Variants in PARD3B observed in about 807,000 individuals in gnomAD.
PARD3B encodes partitioning defective 3 homolog B.
In PARD3B, 103 loss-of-function variants were observed where a neutral mutation model predicts 130.2. The ratio of observed to expected loss-of-function variants is 0.79; its 90% CI spans 0.67 to 0.93. The LOEUF (loss-of-function observed/expected upper bound fraction) is 0.93. PARD3B is among the 40% of genes least tolerant of loss of function. PARD3B has a pLI of 0.00. For missense variants in PARD3B, 1,609 were observed against 1,499.2 expected (o/e 1.07, Z -1.21); for synonymous variants, 583 against 553.2 (o/e 1.05, Z -0.76).
At chr2:204,561,246 G>A (rs887277598) in intron 1 of PARD3B, among the ~76,000 whole-genome samples, 2 of 152,202 alleles carry the variant, frequency 1.3e-5, no homozygotes, top group African/African-American at 4.8e-5. Context: ...GGATTAGAGG[G>A]CAGGTGTGGG....
rs1473279337 is a variant in PARD3B at position 204,623,037 on chromosome 2, T to A, written c.121-63144T>A. 2.0e-5 allele frequency among the ~76,000 whole-genome samples: 3 copies of A among 152,214 alleles called. No individual in the cohort carries two copies. ...TTGTCAGAGATGGCAGACTATAAAT[T>A]GGATCTTGAATTCTGAATTACTAGA... On this transcript the variant is annotated intron_variant, in intron 1 of 22. Transcript: ENST00000406610. The surrounding 1 kb of genome is among the most constrained non-coding windows in gnomAD (Gnocchi z 4.5).
chr2:205,312,030 TTAGA>T (rs766838874), intron 18 of PARD3B, among the ~76,000 whole-genome samples: 66 of 152,274 alleles, frequency 4.3e-4, no homozygotes, highest in Middle Eastern at 3.4e-3. Context: ...TTAAATTAGG[TTAGA>T]TAGAGACTGA....
chr2:205,343,735 C>T (rs557423023), intron 18 of PARD3B, among the ~76,000 whole-genome samples: 49 of 152,218 alleles, frequency 3.2e-4, no homozygotes, highest in Admixed American at 5.2e-4. Flanking sequence ...AGCCTCCTGA[C>T]GTATGTTTTC....
intron 2 of PARD3B, among the ~76,000 whole-genome samples, chr2:204,913,641 CA>C (rs951779382): frequency 6.6e-6 from 1 of 152,000 alleles, no homozygotes; most frequent in Non-Finnish European, 1.5e-5. Context: ...GTTGCTATGA[CA>C]AAAAGCAATA....
intron 4 of PARD3B, among the ~76,000 whole-genome samples, chr2:205,052,063 T>C (rs1699227101): frequency 6.6e-6 from 1 of 152,128 alleles, no homozygotes; most frequent in Non-Finnish European, 1.5e-5. Flanking sequence ...CTTTTCTTGA[T>C]TGTAACCTGG....
intron 20 of PARD3B, among the ~76,000 whole-genome samples, chr2:205,453,058 T>G (rs1158983789): frequency 6.6e-6 from 1 of 152,216 alleles, no homozygotes; most frequent in Non-Finnish European, 1.5e-5. Flanking sequence ...GCAGAATTTC[T>G]TCACTTCGAC....
chr2:204,791,093 A>C (rs1036726910), intron 2 of PARD3B, among the ~76,000 whole-genome samples: 1 of 146,562 alleles, frequency 6.8e-6, no homozygotes, highest in Non-Finnish European at 1.5e-5. Context: ...TAGCAGATCT[A>C]GACTCTGTCT....
At chr2:204,731,159 C>A (rs2039492062) in intron 2 of PARD3B, among the ~76,000 whole-genome samples, 3 of 152,100 alleles carry the variant, frequency 2.0e-5, no homozygotes. Context: ...TTTACTATTG[C>A]TTGTAGCATA....
intron 2 of PARD3B, among the ~76,000 whole-genome samples, chr2:204,874,678 C>A (rs1223340656): frequency 1.3e-5 from 2 of 152,142 alleles, no homozygotes; most frequent in African/African-American, 2.4e-5. Flanking sequence ...GTCACCACCA[C>A]TCCAACAGAG....
At chr2:205,435,713 A>G (rs56186980) in intron 19 of PARD3B, among the ~76,000 whole-genome samples, 6,109 of 152,184 alleles carry the variant, frequency 0.04, 428 homozygotes, top group African/African-American at 0.14. Flanking sequence ...GAAAATAAAG[A>G]TAGGGTACTC....
chr2:205,193,219 C>T lies in PARD3B; in HGVS notation c.2039C>T (p.Ser680Leu), dbSNP rs1191316599. 3.4e-5 allele frequency: 55 copies of T among 1,609,256 alleles called. No homozygotes were observed. Among genetic ancestry groups the T allele is most frequent in the Non-Finnish European group, 4.4e-5 (52 of 1,175,742 alleles). The change falls in exon 15 of 23, where the codon TCA becomes TTA. Residue 680 changes from serine to leucine, a missense_variant. By Grantham distance (145) the Ser-to-Leu change is moderately radical. Coordinates refer to ENST00000406610, the MANE Select transcript of PARD3B (RefSeq NM_001302769.2). ...TCCTTCCACAGCTCTGGGGTGGATTCAGCAGTATATTTTCCAGATCAGCAC... is the reference window on the plus strand; with the variant it reads ...TCCTTCCACAGCTCTGGGGTGGATTTAGCAGTATATTTTCCAGATCAGCAC... ...EDYSHSSGVD[S>L]AVYFPDQHIN...
rs2046441278 is a variant in PARD3B, at chr2:205,407,179, A to C, written c.2741+6056A>C. ...GTGTATAAGCCCAAGTTTCTTGCTC[A>C]AGATTGTGTGGTAGGATTTTCTTAA... On this transcript the variant is annotated intron_variant, in intron 19 of 22. Coordinates refer to ENST00000406610, the MANE Select transcript of PARD3B (RefSeq NM_001302769.2). This position sits in a 1 kb window ranked among gnomAD's most constrained non-coding sequence, Gnocchi z 4.1. Among the ~76,000 whole-genome samples the C allele has an allele frequency of 6.6e-6, 1 of 152,204 alleles. No individual in the cohort carries two copies. The highest frequency in any genetic ancestry group is 2.4e-5 in the African/African-American group (1 of 41,450).
chr2:204,616,972 T>C (rs1180329623), intron 1 of PARD3B, among the ~76,000 whole-genome samples: 1 of 152,194 alleles, frequency 6.6e-6, no homozygotes, highest in Non-Finnish European at 1.5e-5. Flanking sequence ...GTCCAAACTA[T>C]TTTTATTTGG....
chr2:205,090,111 C>T (rs1201552210), intron 4 of PARD3B, among the ~76,000 whole-genome samples: 1 of 152,178 alleles, frequency 6.6e-6, no homozygotes, highest in Non-Finnish European at 1.5e-5. Flanking sequence ...TGCTTAAAAA[C>T]TCTTATCTGT....
At chr2:205,296,567 T>C (rs1435384606) in intron 16 of PARD3B, among the ~76,000 whole-genome samples, 1 of 152,136 alleles carries the variant, frequency 6.6e-6, no homozygotes, top group Non-Finnish European at 1.5e-5. Flanking sequence ...GTGGTAGCTC[T>C]CTCATGGGCC....
Position 205,584,254 on chromosome 2 carries a change from A to G in PARD3B, c.3260+30851A>G, listed in dbSNP as rs984186755. On this transcript the variant is annotated intron_variant, in intron 22 of 22. Coordinates refer to ENST00000406610, the MANE Select transcript of PARD3B (RefSeq NM_001302769.2). This position sits in a 1 kb window ranked among gnomAD's most constrained non-coding sequence, Gnocchi z 5.5. ...CAAGACTTAATGCCAAAAGCAAAAGAATATTAAATATAAATTATTTTTATA... is the reference window on the plus strand; with the variant it reads ...CAAGACTTAATGCCAAAAGCAAAAGGATATTAAATATAAATTATTTTTATA... 1.3e-5 allele frequency among the ~76,000 whole-genome samples: 2 copies of G among 152,240 alleles called. No individual in the cohort carries two copies. Among genetic ancestry groups the G allele is most frequent in the African/African-American group, 4.8e-5 (2 of 41,466 alleles).
intron 2 of PARD3B, among the ~76,000 whole-genome samples, chr2:204,908,114 G>C (rs1448819694): frequency 6.6e-6 from 1 of 151,962 alleles, no homozygotes; most frequent in Non-Finnish European, 1.5e-5. Flanking sequence ...TAAGCCCCTT[G>C]GTGCTATCCT....
intron 18 of PARD3B, among the ~76,000 whole-genome samples, chr2:205,357,550 A>G (rs1246600848): frequency 1.3e-5 from 2 of 152,240 alleles, no homozygotes; most frequent in Non-Finnish European, 2.9e-5. Context: ...TGCCAGAGAA[A>G]AAGAAAAATA....
intron 2 of PARD3B, among the ~76,000 whole-genome samples, chr2:204,822,362 A>C (rs1264139375): frequency 6.6e-6 from 1 of 152,194 alleles, no homozygotes; most frequent in Non-Finnish European, 1.5e-5. Context: ...TGGTTTCTTC[A>C]GGTGAGATCT....
Sources: allele counts gnomAD v4.1 joint callset (sites outside exome capture counted in the v4.1 genomes callset), GRCh38; gene constraint gnomAD v4.1.1; non-coding constraint Gnocchi (gnomAD v3.1); transcripts MANE v1.5; gene names NCBI Gene and HGNC (gene_info 2026-07-23, HGNC 2026-07-21).